The following SGCZ variants were observed in gnomAD, a reference collection of about 807,000 sequenced individuals.
SGCZ encodes the protein zeta-sarcoglycan.
In SGCZ, 40 loss-of-function variants were observed where a neutral mutation model predicts 41.3. That is an observed-to-expected ratio of 0.97 (90% CI 0.75 to 1.26). The LOEUF (loss-of-function observed/expected upper bound fraction) is 1.26. Ranked by LOEUF, SGCZ falls within the 50% of genes most tolerant of loss-of-function variation. SGCZ has a pLI of 0.00. For synonymous variants in SGCZ, 206 were observed against 137.5 expected (o/e 1.50, Z -3.49); for missense variants, 552 against 369.8 (o/e 1.49, Z -4.04).
intron 1 of SGCZ, among the ~76,000 whole-genome samples, chr8:14,581,359 G>T (rs894361161): frequency 2.6e-5 from 4 of 151,900 alleles, no homozygotes; most frequent in Non-Finnish European, 5.9e-5. Context: ...AGCCCACCTC[G>T]ACCTTCCAAA....
rs796729903 is a variant in SGCZ at position 14,728,058 on chromosome 8, C to G, written c.40-173132G>C. Among the ~76,000 whole-genome samples, 42 of 152,116 alleles carry G rather than the reference C, an allele frequency of 2.8e-4. 2 individuals carry two copies. Among genetic ancestry groups the G allele is most frequent in the African/African-American group, 9.6e-4 (40 of 41,512 alleles). On this transcript the variant is annotated intron_variant, in intron 1 of 7. Coordinates refer to ENST00000382080, the MANE Select transcript of SGCZ (RefSeq NM_139167.4). ...TCGAAGACTAGGCAAAATGTATCTA[C>G]GGTGATAAAAATCAGAAAGTTGTTA...
Position 14,840,803 on chromosome 8 carries a change from A to C in SGCZ, c.40-285877T>G, listed in dbSNP as rs144321001. Among the ~76,000 whole-genome samples the C allele has an allele frequency of 5.9e-5, 9 of 151,990 alleles. No individual in the cohort carries two copies. In the East Asian group the frequency reaches 1.7e-3, roughly 29 times the overall value. On this transcript the variant is annotated intron_variant, in intron 1 of 7. Transcript: ENST00000382080. The stretch of plus-strand genomic sequence containing the variant: ...AGCATCTACTCTTTTTAACTTTATG[A>C]GACTTTTTAACCTCTTATGAGACTC...
intron 4 of SGCZ, among the ~76,000 whole-genome samples, chr8:14,213,404 A>G (rs941802673): frequency 1.1e-4 from 17 of 152,176 alleles, no homozygotes; most frequent in African/African-American, 4.1e-4. Flanking sequence ...CCATTTTCCA[A>G]GCACACACAA....
intron 4 of SGCZ, among the ~76,000 whole-genome samples, chr8:14,182,957 C>A (rs1458837234): frequency 6.7e-6 from 1 of 148,538 alleles, no homozygotes; most frequent in Non-Finnish European, 1.5e-5. Context: ...TTGCAGTGAG[C>A]CGAGATCGTG....
intron 1 of SGCZ, among the ~76,000 whole-genome samples, chr8:14,660,485 T>A (rs1451395436): frequency 6.7e-6 from 1 of 148,246 alleles, no homozygotes; most frequent in Admixed American, 6.8e-5. Flanking sequence ...GGCAGGAGAA[T>A]TGCTTGAAAC....
chr8:14,557,229 C>CT (rs528086692), intron 1 of SGCZ, among the ~76,000 whole-genome samples: 33 of 148,784 alleles, frequency 2.2e-4, no homozygotes, highest in East Asian at 9.9e-4. Flanking sequence ...ATTTGTATAT[C>CT]TTTTTTTTGA....
rs181849049 is a variant in SGCZ, at chr8:15,074,871, G to C, written c.39+162714C>G. 4.6e-5 allele frequency among the ~76,000 whole-genome samples: 7 copies of C among 152,206 alleles called. No individual in the cohort carries two copies. The East Asian group carries it at 1.4e-3, about 29-fold the overall frequency. On this transcript the variant is annotated intron_variant, in intron 1 of 7. Transcript: ENST00000382080. ...TCACCCCCAGTACACTGACTCTACT[G>C]TCTGGGCCACCCCTGAATCTGAGTA...
intron 1 of SGCZ, among the ~76,000 whole-genome samples, chr8:15,139,567 G>C (rs1390492358): frequency 1.3e-5 from 2 of 152,022 alleles, no homozygotes; most frequent in African/African-American, 4.8e-5. Context: ...AGAGTAAAAT[G>C]GTTACCACAG....
intron 1 of SGCZ, among the ~76,000 whole-genome samples, chr8:14,594,523 G>A (rs536787526): frequency 1.3e-5 from 2 of 150,054 alleles, no homozygotes; most frequent in Non-Finnish European, 2.9e-5. Flanking sequence ...TAATTCCCGT[G>A]GACTATAAAG....
chr8:14,388,024 A>G (rs780930069), intron 2 of SGCZ, among the ~76,000 whole-genome samples: 41 of 152,314 alleles, frequency 2.7e-4, no homozygotes, highest in Non-Finnish European at 5.0e-4. Context: ...AGAAAAACAC[A>G]CAAGGTGACT....
At chr8:14,849,138 A>G (rs1177680660) in intron 1 of SGCZ, among the ~76,000 whole-genome samples, 1 of 152,200 alleles carries the variant, frequency 6.6e-6, no homozygotes, top group Non-Finnish European at 1.5e-5. Flanking sequence ...TACAACTCAC[A>G]TACTAGAATA....
intron 1 of SGCZ, among the ~76,000 whole-genome samples, chr8:15,235,251 A>G (rs1415200767): frequency 2.0e-5 from 3 of 152,216 alleles, no homozygotes; most frequent in Non-Finnish European, 4.4e-5. Flanking sequence ...CAAACTGTAT[A>G]TATTTCAGAA....
At chr8:14,642,875 G>T (rs555007813) in intron 1 of SGCZ, among the ~76,000 whole-genome samples, 44 of 151,568 alleles carry the variant, frequency 2.9e-4, no homozygotes, top group African/African-American at 1.1e-3. Flanking sequence ...GCAATATGTT[G>T]CTTGAACTTT....
chr8:14,470,375 A>T (rs1220943725), intron 2 of SGCZ, among the ~76,000 whole-genome samples: 1 of 152,174 alleles, frequency 6.6e-6, no homozygotes, highest in Non-Finnish European at 1.5e-5. Flanking sequence ...TGTAGTAAGA[A>T]TTAAGAGATA....
At chr8:14,798,739 T>G (rs566468325) in intron 1 of SGCZ, among the ~76,000 whole-genome samples, 6 of 152,220 alleles carry the variant, frequency 3.9e-5, no homozygotes, top group African/African-American at 1.4e-4. Flanking sequence ...ATTTTTATAT[T>G]AGATTATGTA....
At chr8:14,590,941 G>T (rs1439357337) in intron 1 of SGCZ, among the ~76,000 whole-genome samples, 1 of 149,980 alleles carries the variant, frequency 6.7e-6, no homozygotes, top group African/African-American at 2.4e-5. Flanking sequence ...GCTATATAAT[G>T]TATATAATGT....
intron 1 of SGCZ, among the ~76,000 whole-genome samples, chr8:14,961,596 C>T (rs6530816): frequency 0.13 from 19,575 of 152,068 alleles, 2,596 homozygotes; most frequent in African/African-American, 0.34. Context: ...AACTTTATCA[C>T]ATAGTATATG....
chr8:14,443,061 T>C (rs565196494), intron 2 of SGCZ, among the ~76,000 whole-genome samples: 2 of 152,242 alleles, frequency 1.3e-5, no homozygotes, highest in South Asian at 2.1e-4. Context: ...CCATTCACAA[T>C]TGCTTCAAAG....
At chr8:14,427,121 A>G (rs1274114775) in intron 2 of SGCZ, among the ~76,000 whole-genome samples, 2 of 149,400 alleles carry the variant, frequency 1.3e-5, no homozygotes, top group Admixed American at 6.6e-5. Context: ...AATGAATGAA[A>G]TACACCTTAA....
Sources: allele counts gnomAD v4.1 joint callset (sites outside exome capture counted in the v4.1 genomes callset), GRCh38; gene constraint gnomAD v4.1.1; transcripts MANE v1.5; gene names NCBI Gene and HGNC (gene_info 2026-07-23, HGNC 2026-07-21).